Variants in ZNF577 observed in about 807,000 individuals in gnomAD.
ZNF577 encodes zinc finger protein 577.
In ZNF577, 14 loss-of-function variants were observed where a neutral mutation model predicts 13.9. That is an observed-to-expected ratio of 1.00 (90% CI 0.66 to 1.57). The LOEUF is 1.57. ZNF577 is among the 40% of genes most tolerant of loss of function. ZNF577 has a pLI of 0.00. For missense variants in ZNF577, 555 were observed against 579.2 expected (o/e 0.96, Z 0.43); for synonymous variants, 203 against 202.9 (o/e 1.00, Z 0.00).
chr19:51,836,618 C>A (rs2084288656), intron 9 of ZNF577, among the ~76,000 whole-genome samples: 1 of 152,078 alleles, frequency 6.6e-6, no homozygotes, highest in Non-Finnish European at 1.5e-5. Context: ...AGATTTTATT[C>A]ATAAAAGTCA....
intron 10 of ZNF577, among the ~76,000 whole-genome samples, chr19:51,806,936 G>A (rs549490549): frequency 1.3e-5 from 2 of 152,318 alleles, no homozygotes; most frequent in African/African-American, 4.8e-5. Context: ...TAAGTTGATA[G>A]GTAGCAATAC....
At chr19:51,877,423 A>G in intron 4 of ZNF577, 46 bp from the exon 5 acceptor site, 2 of 1,454,078 alleles carry the variant, frequency 1.4e-6, no homozygotes, top group Non-Finnish European at 9.7e-7. Flanking sequence ...TGCTTGGGGA[A>G]TGGATGAAGA....
Position 51,860,880 on chromosome 19 carries a change from TG to T in ZNF577, c.284-15950del, listed in dbSNP as rs1225191334. On this transcript the variant is annotated intron_variant and NMD_transcript_variant, in intron 5 of 10. Transcript: ENST00000638827. ...CGTAAACAAGATATTCAAAGAGTTT[TG>T]ACTTTCAGATTTTAATTTTTACCTG... The T allele has an allele frequency of 1.0e-5, 4 of 391,886 alleles. No homozygotes were observed. The Admixed American group carries it at 1.6e-4, about 15-fold the overall frequency. The allele number at this position is 391,886 out of a possible 1,614,324, so 24.3% of individuals were successfully genotyped here.
intron 5 of ZNF577, chr19:51,860,789 GAAAGATA>G (rs1159552962): frequency 3.5e-6 from 1 of 288,790 alleles, no homozygotes; most frequent in Non-Finnish European, 6.5e-6. Context: ...GCTATAACAA[GAAAGATA>G]AACATTAACT....
chr19:51,883,298 T>G (rs2122724541), intron 1 of ZNF577, among the ~76,000 whole-genome samples: 1 of 152,144 alleles, frequency 6.6e-6, no homozygotes, highest in Non-Finnish European at 1.5e-5. Context: ...GCCAAATTTT[T>G]TTTTTTTATA....
intron 9 of ZNF577, among the ~76,000 whole-genome samples, chr19:51,813,160 A>ACACACACC (rs1555740553): frequency 6.8e-6 from 1 of 147,360 alleles, no homozygotes; most frequent in African/African-American, 2.5e-5. Flanking sequence ...ACACACACAC[A>ACACACACC]CCCCATAAAT....
In ZNF577 at chr19:51,867,618, CAA is replaced by C. The variant is rs561862562; in HGVS notation, c.*4912_*4913del. ...TGAAACCCCGTCTCTACTAAAAATA[CAA>C]AAAAAAAAAAAAAAATTAGCCGGGT... On this transcript the variant is annotated 3_prime_UTR_variant, in exon 6 of 6. Transcript: ENST00000638348. 2.9e-4 allele frequency among the ~76,000 whole-genome samples: 32 copies of C among 110,238 alleles called. No homozygotes were observed. Among genetic ancestry groups the C allele is most frequent in the Admixed American group, 5.7e-4 (6 of 10,446 alleles). 72.3% of individuals were successfully genotyped at this position (110,238 alleles called of 152,430 possible).
At chr19:51,878,822 G>A (rs2084810844) in intron 3 of ZNF577, 1 of 254,534 alleles carries the variant, frequency 3.9e-6, no homozygotes, top group Non-Finnish European at 7.7e-6. Flanking sequence ...GCACCTCCAT[G>A]CTATAATATA....
chr19:51,810,568 T>C (rs1006122207), intron 10 of ZNF577, among the ~76,000 whole-genome samples: 1 of 152,224 alleles, frequency 6.6e-6, no homozygotes, highest in Non-Finnish European at 1.5e-5. Flanking sequence ...CATTACCTAA[T>C]AGCATATCCT....
At chr19:51,817,941 C>T (rs546839735) in intron 9 of ZNF577, 1 of 152,154 alleles carries the variant, frequency 6.6e-6, no homozygotes, top group Admixed American at 6.5e-5. Context: ...ATCTACTTGC[C>T]AAATACAGCT....
intron 5 of ZNF577, among the ~76,000 whole-genome samples, chr19:51,849,330 A>G (rs971262719): frequency 6.6e-6 from 1 of 152,192 alleles, no homozygotes. Flanking sequence ...TACATTTGCT[A>G]TGTTCTGAAT....
At chr19:51,835,779 G>A (rs996627350) in intron 9 of ZNF577, among the ~76,000 whole-genome samples, 6 of 151,892 alleles carry the variant, frequency 4.0e-5, no homozygotes, top group Admixed American at 2.0e-4. Flanking sequence ...TGCAACCTCC[G>A]CCTCCCTGGT....
In ZNF577 at chr19:51,869,617, GTCTTATT is replaced by G. The variant is rs200349824; in HGVS notation, c.*2908_*2914del. Among the ~76,000 whole-genome samples the G allele has an allele frequency of 0.066, 9,975 of 152,128 alleles. 458 individuals carry two copies. The highest frequency in any genetic ancestry group is 0.098 in the Non-Finnish European group (6,695 of 67,974). On this transcript the variant is annotated 3_prime_UTR_variant, in exon 6 of 6. Coordinates refer to ENST00000638348, the MANE Select transcript of ZNF577 (RefSeq NM_001370449.1). The stretch of plus-strand genomic sequence containing the variant: ...TGTTCTTTCTCTACTTTGTCTCTGT[GTCTTATT>G]TCTTATTTCTTTTCTCAGTCTCTCG...
chr19:51,817,155 T>G (rs1380660006), intron 9 of ZNF577, among the ~76,000 whole-genome samples: 1 of 152,184 alleles, frequency 6.6e-6, no homozygotes, highest in East Asian at 1.9e-4. Flanking sequence ...CTTCTGGGAA[T>G]GGTAAGAAAC....
chr19:51,806,523 C>T (rs1160440946), intron 10 of ZNF577, among the ~76,000 whole-genome samples: 1 of 152,158 alleles, frequency 6.6e-6, no homozygotes, highest in Non-Finnish European at 1.5e-5. Flanking sequence ...GGTAGTTGGC[C>T]TCCTATACCC....
intron 5 of ZNF577, among the ~76,000 whole-genome samples, chr19:51,874,562 T>C (rs1266155160): frequency 6.6e-6 from 1 of 152,000 alleles, no homozygotes; most frequent in East Asian, 1.9e-4. Flanking sequence ...ATACAAAAGT[T>C]TGGCAAGGCT....
chr19:51,880,342 T>C lies in ZNF577; in HGVS notation c.41A>G (p.Gln14Arg). ...ATIVMSVRREQGSSSGEGSLS... is the reference protein window; with the variant it reads ...ATIVMSVRRERGSSSGEGSLS... The stretch of plus-strand genomic sequence containing the variant: ...ATTTACCTCCCCTGAAGAACTGCCT[T>C]GCTCTCTCCTCACAGACATTACAAT... The change falls in exon 3 of 6, where the codon CAA (glutamine) becomes CGA (arginine). Residue 14 changes from glutamine (Q) to arginine (R), a missense_variant. Physicochemically the swap from Gln to Arg is conservative, Grantham distance 43. Coordinates refer to ENST00000638348, the MANE Select transcript of ZNF577 (RefSeq NM_001370449.1). 6.2e-7 allele frequency: 1 copy of C among 1,614,148 alleles called. No homozygotes were observed.
Position 51,880,273 on chromosome 19 carries a change from T to C in ZNF577, c.60+50A>G, listed in dbSNP as rs1387622470. On this transcript the variant is annotated intron_variant, in intron 3 of 5. Coordinates refer to ENST00000638348, the MANE Select transcript of ZNF577 (RefSeq NM_001370449.1). ...TGAGGATACCGTCAACCACAAAAGC[T>C]CTCTGAAGGAAAGAAGTTTCTCAAG... 6.3e-6 allele frequency: 10 copies of C among 1,579,444 alleles called. No homozygotes were observed. The East Asian group carries it at 2.2e-4, about 35-fold the overall frequency.
At chr19:51,857,363 A>AGTGGCTTGC (rs2084437073) in intron 5 of ZNF577, among the ~76,000 whole-genome samples, 1 of 102,280 alleles carries the variant, frequency 9.8e-6, no homozygotes, top group African/African-American at 5.2e-5. Flanking sequence ...AGAAAGAAGG[A>AGTGGCTTGC]AGGAAAGAAA....
Sources: gnomAD v4.1 joint callset for allele counts (sites outside exome capture counted in the v4.1 genomes callset) on GRCh38, gnomAD v4.1.1 for gene constraint, MANE v1.5 for transcripts, NCBI Gene and HGNC (gene_info 2026-07-23, HGNC 2026-07-21) for gene names.